The following STMND1 variants were observed in gnomAD, a reference collection of about 807,000 sequenced individuals.
STMND1 encodes the protein stathmin domain-containing protein 1.
Under a neutral mutation model 23.0 loss-of-function variants are expected in STMND1, and 17 were observed. The ratio of observed to expected loss-of-function variants is 0.74; its 90% CI spans 0.51 to 1.11. The LOEUF (loss-of-function observed/expected upper bound fraction) is 1.11, where lower values mean the gene tolerates loss of function less well. STMND1 is among the 50% of genes least tolerant of loss of function. STMND1 has a pLI of 0.00. For missense variants in STMND1, 305 were observed against 329.1 expected, an observed-to-expected ratio of 0.93 and a Z score of 0.57; for synonymous variants, 114 against 119.9, an observed-to-expected ratio of 0.95 and a Z score of 0.32.
chr6:17,130,630 G>A lies in STMND1; in HGVS notation c.580G>A (p.Asp194Asn). The change falls in exon 5 of 5, where the codon GAC (aspartate) becomes AAC (asparagine). Residue 194 changes from aspartate (D) to asparagine (N), a missense_variant. Transcript: ENST00000536551. ...AGAAATAAGAAAAAGGCTACGGAGT[G>A]ACCGACTTTTGCCTTCAGCCAATCA... ...EEEIRKRLRS[D>N]RLLPSANHSD... 2.6e-6 allele frequency: 4 copies of A among 1,535,254 alleles called. No homozygotes were observed. The highest frequency in any genetic ancestry group is 3.5e-6 in the Non-Finnish European group (4 of 1,146,524).
chr6:17,129,251 G>A lies in STMND1; in HGVS notation c.543+8G>A. 1.3e-6 allele frequency: 2 copies of A among 1,535,636 alleles called. No homozygotes were observed. Among genetic ancestry groups the A allele is most frequent in the East Asian group, 2.4e-5 (1 of 40,904 alleles). Reference sequence around the variant, plus strand: ...GCCGAGGAGCGCAGGAAGGTAGTGAGCTCTCAGATGCTCTAGGCTTGAGGA... The same window carrying A: ...GCCGAGGAGCGCAGGAAGGTAGTGAACTCTCAGATGCTCTAGGCTTGAGGA... On this transcript the variant is annotated splice_region_variant and intron_variant, in intron 4 of 4. Transcript: ENST00000536551.
chr6:17,114,391 A>C (rs2113481285), intron 1 of STMND1, among the ~76,000 whole-genome samples: 1 of 151,726 alleles, frequency 6.6e-6, no homozygotes, highest in East Asian at 1.9e-4. Context: ...CAGCCTCCCG[A>C]GTAGCTCAGA....
At chr6:17,114,939 A>G (rs186803155) in intron 1 of STMND1, 23 bp from the exon 2 acceptor site, 42 of 1,496,498 alleles carry the variant, frequency 2.8e-5, no homozygotes, top group Middle Eastern at 1.8e-4. Context: ...CTTGACTCTA[A>G]CAAAACTGTT....
intron 2 of STMND1, among the ~76,000 whole-genome samples, chr6:17,119,600 T>C (rs1280111166): frequency 6.6e-6 from 1 of 151,752 alleles, no homozygotes; most frequent in Non-Finnish European, 1.5e-5. Flanking sequence ...CTTGGGTGGC[T>C]GAGGCAGGAG....
chr6:17,130,974 T>A lies in STMND1; in HGVS notation c.*93T>A, dbSNP rs1284139481. Reference sequence around the variant, plus strand: ...ATATTCTTTGACTGACTGACCTCATTCCACTGGGATTTCTGCCTTGGGCTT... The same window carrying A: ...ATATTCTTTGACTGACTGACCTCATACCACTGGGATTTCTGCCTTGGGCTT... On this transcript the variant is annotated 3_prime_UTR_variant, in exon 5 of 5. Transcript: ENST00000536551. 1 of 1,211,872 alleles carries A rather than the reference T, an allele frequency of 8.3e-7. No homozygotes were observed. Among genetic ancestry groups the A allele is most frequent in the African/African-American group, 1.5e-5 (1 of 65,534 alleles). The allele number at this position is 1,211,872 out of a possible 1,614,324, so 75.1% of individuals were successfully genotyped here.
In STMND1 at chr6:17,126,052, ATATATATATATATATATATTT is replaced by A. The variant is rs1561925690; in HGVS notation, c.412-3058_412-3038del. Reference sequence around the variant, plus strand: ...CATTGTTTTATATATATATATATATATATATATATATATATATATTTTTTTTTTTTTTTTTTTTTTTTTTTT... The same window carrying A: ...CATTGTTTTATATATATATATATATATTTTTTTTTTTTTTTTTTTTTTTTT... On this transcript the variant is annotated intron_variant, in intron 3 of 4. Transcript: ENST00000536551. 1.7e-4 allele frequency among the ~76,000 whole-genome samples: 5 copies of A among 29,442 alleles called. No homozygotes were observed. The South Asian group carries it at 8.3e-3, about 49-fold the overall frequency. The allele number at this position is 29,442 out of a possible 152,430, so 19.3% of individuals were successfully genotyped here.
rs575695749 is a variant in STMND1 at position 17,113,580 on chromosome 6, C to T, written c.82-1382C>T. Among the ~76,000 whole-genome samples, 4 of 151,986 alleles carry T rather than the reference C, an allele frequency of 2.6e-5. No homozygotes were observed. The East Asian group carries it at 7.7e-4, about 29-fold the overall frequency. ...AGCCCAGCTGACACATAAAACTGAT[C>T]ATTGCAATTCTCTTTTATATTATGT... On this transcript the variant is annotated intron_variant, in intron 1 of 4. Coordinates refer to ENST00000536551, the MANE Select transcript of STMND1 (RefSeq NM_001190766.2).
intron 1 of STMND1, among the ~76,000 whole-genome samples, chr6:17,105,581 A>G (rs982031434): frequency 1.4e-5 from 2 of 146,414 alleles, no homozygotes; most frequent in African/African-American, 5.1e-5. Flanking sequence ...GGAGGCGGAG[A>G]TTGCGGGGTG....
At chr6:17,117,971 T>C (rs182655542) in intron 2 of STMND1, among the ~76,000 whole-genome samples, 1 of 152,142 alleles carries the variant, frequency 6.6e-6, no homozygotes, top group East Asian at 1.9e-4. Flanking sequence ...GAGCCAGGGT[T>C]ACACAATTTT....
At chr6:17,126,036 A>ATATG (rs1761290800) in intron 3 of STMND1, among the ~76,000 whole-genome samples, 1 of 20,914 alleles carries the variant, frequency 4.8e-5, no homozygotes, top group South Asian at 3.6e-3. Context: ...TCATTGTTTT[A>ATATG]TATATATATA....
chr6:17,118,556 T>C (rs2113485681), intron 2 of STMND1, among the ~76,000 whole-genome samples: 1 of 152,358 alleles, frequency 6.6e-6, no homozygotes, highest in East Asian at 1.9e-4. Context: ...GGAATCTCTG[T>C]ATAAGTTAGC....
intron 3 of STMND1, among the ~76,000 whole-genome samples, chr6:17,122,369 T>C (rs144943627): frequency 1.6e-3 from 236 of 150,932 alleles, no homozygotes; most frequent in African/African-American, 5.4e-3. Flanking sequence ...AGAGAATAAA[T>C]GAATGAAAAA....
intron 3 of STMND1, among the ~76,000 whole-genome samples, chr6:17,123,784 A>G (rs959791586): frequency 7.9e-5 from 12 of 152,342 alleles, no homozygotes; most frequent in African/African-American, 2.6e-4. Context: ...AATAGGAACT[A>G]AGATTATACT....
intron 1 of STMND1, among the ~76,000 whole-genome samples, chr6:17,111,824 C>G (rs560319016): frequency 6.6e-6 from 1 of 152,268 alleles, no homozygotes; most frequent in East Asian, 1.9e-4. Flanking sequence ...AAGATCAAGG[C>G]AATGGAAGGT....
At chr6:17,122,210 C>T (rs1263776884) in intron 3 of STMND1, among the ~76,000 whole-genome samples, 1 of 151,902 alleles carries the variant, frequency 6.6e-6, no homozygotes, top group East Asian at 1.9e-4. Context: ...AAGAAGATAG[C>T]AGACTTAGGT....
chr6:17,130,076 G>A (rs2113497780), intron 4 of STMND1, among the ~76,000 whole-genome samples: 1 of 152,222 alleles, frequency 6.6e-6, no homozygotes. Flanking sequence ...TGTTGTAAAG[G>A]AATAAAGCAG....
intron 1 of STMND1, among the ~76,000 whole-genome samples, chr6:17,111,621 A>T (rs1265278727): frequency 6.6e-6 from 1 of 152,204 alleles, no homozygotes; most frequent in Non-Finnish European, 1.5e-5. Context: ...AGTGTTTCTT[A>T]TATATTGTTA....
intron 2 of STMND1, among the ~76,000 whole-genome samples, chr6:17,117,571 C>T (rs1055635728): frequency 6.6e-6 from 1 of 151,670 alleles, no homozygotes; most frequent in Admixed American, 6.6e-5. Flanking sequence ...TCTTTTATGA[C>T]CTTGCTATAT....
chr6:17,114,058 G>A (rs1023093084), intron 1 of STMND1, among the ~76,000 whole-genome samples: 1 of 152,150 alleles, frequency 6.6e-6, no homozygotes, highest in Non-Finnish European at 1.5e-5. Context: ...GACTAGGGTT[G>A]TGGGGATGGT....
Sources: allele counts gnomAD v4.1 joint callset (sites outside exome capture counted in the v4.1 genomes callset), GRCh38; gene constraint gnomAD v4.1.1; transcripts MANE v1.5; gene names NCBI Gene and HGNC (gene_info 2026-07-23, HGNC 2026-07-21).